Variants in BLK observed in about 807,000 individuals in gnomAD.
BLK encodes tyrosine-protein kinase Blk.
A neutral mutation model predicts 61.8 loss-of-function variants in BLK; 64 were observed. That is an observed-to-expected ratio of 1.03 (90% CI 0.85 to 1.27). The LOEUF (loss-of-function observed/expected upper bound fraction) is 1.27. Among genes scored for constraint, BLK ranks in the 50% most tolerant of loss-of-function variants. The pLI is 0.00. For missense variants in BLK, 853 were observed against 660.5 expected (o/e 1.29, Z -3.19); for synonymous variants, 351 against 272.0 (o/e 1.29, Z -2.86).
chr8:11,500,891 G>C (rs1291409053), intron 1 of BLK, among the ~76,000 whole-genome samples: 1 of 151,866 alleles, frequency 6.6e-6, no homozygotes, highest in African/African-American at 2.4e-5. Context: ...GGTGCAATTG[G>C]ATTTTTACAT....
chr8:11,510,062 C>T (rs2117281890), intron 1 of BLK, among the ~76,000 whole-genome samples: 1 of 152,220 alleles, frequency 6.6e-6, no homozygotes, highest in South Asian at 2.1e-4. Context: ...TCGTTTGCTT[C>T]CATATTTTTG....
chr8:11,500,848 A>G (rs1798530731), intron 1 of BLK, among the ~76,000 whole-genome samples: 1 of 152,246 alleles, frequency 6.6e-6, no homozygotes, highest in African/African-American at 2.4e-5. Flanking sequence ...AAATTATTTC[A>G]TTTTAAGATT....
chr8:11,547,194 G>A (rs1800685866), intron 3 of BLK, among the ~76,000 whole-genome samples: 1 of 152,260 alleles, frequency 6.6e-6, no homozygotes, highest in Non-Finnish European at 1.5e-5. Context: ...CTCAGAATCT[G>A]TCACACTTGT....
intron 1 of BLK, among the ~76,000 whole-genome samples, chr8:11,510,956 T>G (rs1798979607): frequency 6.6e-6 from 1 of 152,224 alleles, no homozygotes; most frequent in Non-Finnish European, 1.5e-5. Flanking sequence ...AGGAAATGCT[T>G]TGGCATTTTA....
In BLK at chr8:11,553,720, G is replaced by A. The variant is rs192848556; in HGVS notation, c.473-1023G>A. 755 of 161,376 alleles carry A rather than the reference G, an allele frequency of 4.7e-3. 6 individuals are homozygous for A. Among genetic ancestry groups the A allele is most frequent in the African/African-American group, 0.017 (710 of 41,802 alleles). 10.0% of individuals were successfully genotyped at this position (161,376 alleles called of 1,614,324 possible). On this transcript the variant is annotated intron_variant, in intron 6 of 12. Coordinates refer to ENST00000259089, the MANE Select transcript of BLK (RefSeq NM_001715.3). ...CCTCTGGGCTGAGGCTGGGGTGGGGGTGTGGAGGGGCTGTGGCAACAGCAT... is the reference window on the plus strand; with the variant it reads ...CCTCTGGGCTGAGGCTGGGGTGGGGATGTGGAGGGGCTGTGGCAACAGCAT...
intron 1 of BLK, among the ~76,000 whole-genome samples, chr8:11,531,326 C>T (rs559553661): frequency 9.9e-5 from 15 of 152,044 alleles, no homozygotes; most frequent in Non-Finnish European, 2.2e-4. Context: ...TCTAATTTAT[C>T]AATTTTTCTT....
chr8:11,535,288 GAAAGAAA>G (rs1563102424), intron 1 of BLK, among the ~76,000 whole-genome samples: 1 of 141,652 alleles, frequency 7.1e-6, no homozygotes, highest in African/African-American at 2.6e-5. Context: ...AAGAAAGAAA[GAAAGAAA>G]GAAAGAAAGA....
In BLK at chr8:11,550,187, G is replaced by C; in HGVS notation, c.397G>C (p.Glu133Gln). The C allele has an allele frequency of 6.2e-7, 1 of 1,614,168 alleles. No homozygotes were observed. ...GTTCTTTAGATCACAGGGTCGGAAGGAGGCTGAGAGGCAGCTTCTTGCTCC... is the reference window on the plus strand; with the variant it reads ...GTTCTTTAGATCACAGGGTCGGAAGCAGGCTGAGAGGCAGCTTCTTGCTCC... Reference protein sequence around the residue: ...RWFFRSQGRKEAERQLLAPIN... With the variant: ...RWFFRSQGRKQAERQLLAPIN... Residue 133 changes from glutamate (E) to glutamine (Q), a missense_variant, in exon 6 of 13, where the codon GAG becomes CAG. Coordinates refer to ENST00000259089, the MANE Select transcript of BLK (RefSeq NM_001715.3).
rs373207102 is a variant in BLK, at chr8:11,555,312, T to C, written c.620-20T>C. ...GCTGCTCTGGTAACCCCCAGCCCTGTCTTTTCTTCCCTAATGCAGAGAAGG... is the reference window on the plus strand; with the variant it reads ...GCTGCTCTGGTAACCCCCAGCCCTGCCTTTTCTTCCCTAATGCAGAGAAGG... On this transcript the variant is annotated intron_variant, in intron 7 of 12. Transcript: ENST00000259089. The C allele has an allele frequency of 4.3e-6, 7 of 1,613,858 alleles. No homozygotes were observed. The African/African-American group carries it at 5.3e-5, about 12-fold the overall frequency.
At chr8:11,561,243 G>A in intron 10 of BLK, 59 bp from the exon 11 acceptor site, 1 of 1,582,044 alleles carries the variant, frequency 6.3e-7, no homozygotes, top group African/African-American at 1.3e-5. Flanking sequence ...ACACAGTGTG[G>A]GCTCGGTCTT....
intron 1 of BLK, among the ~76,000 whole-genome samples, chr8:11,541,356 A>G (rs2618434): frequency 0.41 from 62,510 of 152,082 alleles, 13,877 homozygotes; most frequent in Non-Finnish European, 0.5. Context: ...AGGAATGTAC[A>G]GATGTTTCAA....
At chr8:11,495,354 C>A (rs1294734037) in intron 1 of BLK, among the ~76,000 whole-genome samples, 1 of 152,128 alleles carries the variant, frequency 6.6e-6, no homozygotes, top group Non-Finnish European at 1.5e-5. Context: ...TATCCTCCTC[C>A]CTCGGGAGAG....
Position 11,556,849 on chromosome 8 carries a change from C to T in BLK, c.952+12C>T, listed in dbSNP as rs749146872. ...GTACATGGCCAGAGGTGGTGCCCCC[C>T]GCAGAGCCGCATCCTCAGAGCGAGG... On this transcript the variant is annotated intron_variant, in intron 9 of 12. Transcript: ENST00000259089. 89 of 1,613,008 alleles carry T rather than the reference C, an allele frequency of 5.5e-5. No individual in the cohort carries two copies. The highest frequency in any genetic ancestry group is 6.0e-5 in the Non-Finnish European group (71 of 1,179,496).
At chr8:11,550,911 T>C (rs1713977645) in intron 6 of BLK, among the ~76,000 whole-genome samples, 1 of 152,220 alleles carries the variant, frequency 6.6e-6, no homozygotes, top group African/African-American at 2.4e-5. Flanking sequence ...CTAAATCATA[T>C]AGGGTAATAA....
At chr8:11,508,367 T>C (rs990478794) in intron 1 of BLK, among the ~76,000 whole-genome samples, 2 of 152,206 alleles carry the variant, frequency 1.3e-5, no homozygotes, top group Non-Finnish European at 2.9e-5. Flanking sequence ...TAGGTGACTG[T>C]AGGCCTCAGA....
chr8:11,559,835 G>T (rs1330197736), intron 10 of BLK: 11 of 456,078 alleles, frequency 2.4e-5, no homozygotes, highest in Admixed American at 1.6e-4. Flanking sequence ...TCATTTCTAT[G>T]AAGGTTTCCC....
At chr8:11,523,660 G>A (rs1419888594) in intron 1 of BLK, among the ~76,000 whole-genome samples, 2 of 152,104 alleles carry the variant, frequency 1.3e-5, no homozygotes, top group Admixed American at 1.3e-4. Flanking sequence ...CACATAAAGA[G>A]GTCTTCCATA....
intron 1 of BLK, among the ~76,000 whole-genome samples, chr8:11,500,495 C>G (rs1446520775): frequency 1.3e-5 from 2 of 150,988 alleles, no homozygotes; most frequent in East Asian, 3.9e-4. Context: ...TGCACCTGGC[C>G]TGTTTTTTTG....
chr8:11,554,782 G>A lies in BLK; in HGVS notation c.512G>A (p.Gly171Glu). 6.2e-7 allele frequency: 1 copy of A among 1,613,976 alleles called. No individual in the cohort carries two copies. The highest frequency in any genetic ancestry group is 8.5e-7 in the Non-Finnish European group (1 of 1,180,020). Residue 171 changes from glycine to glutamate, a missense_variant, in exon 7 of 13, where the codon GGG becomes GAG. Coordinates refer to ENST00000259089, the MANE Select transcript of BLK (RefSeq NM_001715.3). Reference protein sequence around the residue: ...SLSVKDVTTQGELIKHYKIRC... With the variant: ...SLSVKDVTTQEELIKHYKIRC... ...TCTGTGAAGGATGTCACCACCCAGG[G>A]GGAGCTGATCAAGCACTATAAGATC...
Sources: gnomAD v4.1 joint callset for allele counts (sites outside exome capture counted in the v4.1 genomes callset) on GRCh38, gnomAD v4.1.1 for gene constraint, MANE v1.5 for transcripts, NCBI Gene and HGNC (gene_info 2026-07-23, HGNC 2026-07-21) for gene names.